Variants in VWC2 observed in about 807,000 individuals in gnomAD.
VWC2 encodes brorin.
VWC2 carries 14 observed loss-of-function variants against 29.8 expected under a neutral mutation model. The ratio of observed to expected loss-of-function variants is 0.47; its 90% CI spans 0.31 to 0.74. The LOEUF (loss-of-function observed/expected upper bound fraction) is 0.74, where lower values mean the gene tolerates loss of function less well. VWC2 is among the 30% of genes least tolerant of loss of function. The probability of loss-of-function intolerance (pLI) is 0.05; values close to 1 mark genes in which losing one functional copy is unlikely to be tolerated. For missense variants in VWC2, 457 were observed against 459.8 expected (o/e 0.99, Z 0.05); for synonymous variants, 213 against 199.0 (o/e 1.07, Z -0.59).
At chr7:49,806,316 AT>A (rs1163351917) in intron 3 of VWC2, among the ~76,000 whole-genome samples, 1 of 152,240 alleles carries the variant, frequency 6.6e-6, no homozygotes, top group African/African-American at 2.4e-5. Flanking sequence ...AAGAAAAATG[AT>A]AAAAGTAGGA....
intron 3 of VWC2, among the ~76,000 whole-genome samples, chr7:49,831,480 G>A (rs1465361217): frequency 6.6e-6 from 1 of 152,182 alleles, no homozygotes; most frequent in African/African-American, 2.4e-5. Context: ...TGCTTATTTT[G>A]TGGAAAAGGA....
At chr7:49,867,936 C>A (rs1329110170) in intron 3 of VWC2, among the ~76,000 whole-genome samples, 3 of 151,862 alleles carry the variant, frequency 2.0e-5, no homozygotes, top group Non-Finnish European at 4.4e-5. Context: ...CAAGTTCAAG[C>A]AATTCTCCTG....
At chr7:49,874,770 TGA>T (rs1332842410) in intron 3 of VWC2, among the ~76,000 whole-genome samples, 1 of 152,306 alleles carries the variant, frequency 6.6e-6, no homozygotes, top group East Asian at 1.9e-4. Flanking sequence ...TGTGAGGTGA[TGA>T]GAGACCAGGA....
rs1345533588 is a variant in VWC2, at chr7:49,918,499, T to C, written c.*6314T>C. ...GCCTCCCTAGTCTAAATGCTTATGC[T>C]ATATTTTGTTTCCTAAATCTAGAGA... On this transcript the variant is annotated 3_prime_UTR_variant, in exon 4 of 4. Transcript: ENST00000340652. The C allele has an allele frequency of 6.6e-6, 1 of 152,230 alleles. No homozygotes were observed. The highest frequency in any genetic ancestry group is 1.5e-5 in the Non-Finnish European group (1 of 68,046). The allele number at this position is 152,230 out of a possible 1,614,324, so 9.4% of individuals were successfully genotyped here. A position where few individuals can be genotyped will look rare whatever the true frequency, so the allele number is the denominator to read the frequency against.
At chr7:49,910,301 G>T (rs1793339936) in intron 3 of VWC2, among the ~76,000 whole-genome samples, 1 of 152,146 alleles carries the variant, frequency 6.6e-6, no homozygotes, top group Admixed American at 6.5e-5. Context: ...TTGTTATTCT[G>T]GAGTTTGCTG....
intron 3 of VWC2, among the ~76,000 whole-genome samples, chr7:49,907,868 A>G (rs1475848272): frequency 6.6e-6 from 1 of 152,110 alleles, no homozygotes; most frequent in Non-Finnish European, 1.5e-5. Flanking sequence ...GGTTGTGGAG[A>G]CCATAGTTTT....
chr7:49,852,429 C>T (rs1195164889), intron 3 of VWC2, among the ~76,000 whole-genome samples: 4 of 152,334 alleles, frequency 2.6e-5, no homozygotes, highest in East Asian at 1.9e-4. Flanking sequence ...TGCTGTTTTG[C>T]ACTTGCTAGA....
intron 3 of VWC2, among the ~76,000 whole-genome samples, chr7:49,867,902 C>T (rs530798606): frequency 4.6e-5 from 7 of 151,336 alleles, no homozygotes; most frequent in East Asian, 3.9e-4. Flanking sequence ...GGTGCAATCT[C>T]GGCTCACTGC....
chr7:49,886,315 G>A (rs1010635871), intron 3 of VWC2, among the ~76,000 whole-genome samples: 3 of 151,356 alleles, frequency 2.0e-5, no homozygotes, highest in East Asian at 1.9e-4. Context: ...ATTTGGAAGC[G>A]CAAAATTCAC....
chr7:49,890,684 C>CAAAT (rs1263499421), intron 3 of VWC2, among the ~76,000 whole-genome samples: 1 of 148,262 alleles, frequency 6.7e-6, no homozygotes. Context: ...CTACTGAGAA[C>CAAAT]AAATCTAAGG....
chr7:49,775,510 T>G lies in VWC2; in HGVS notation c.75T>G (p.Ala25=). The change falls in exon 2 of 4, where the codon GCT becomes GCG. Residue 25 remains alanine (A), a synonymous_variant. Coordinates refer to ENST00000340652, the MANE Select transcript of VWC2 (RefSeq NM_198570.5). ...SLLVTCCLMV[A]LCSPSIPLEK... is the part of the protein sequence containing the mutation. ...TGGTCACCTGCTGCCTGATGGTGGC[T>G]CTGTGCAGTCCGAGCATCCCGCTGG... is the stretch of plus-strand genomic sequence containing the variant. 6.4e-7 allele frequency: 1 copy of G among 1,572,718 alleles called. No homozygotes were observed. Among genetic ancestry groups the G allele is most frequent in the Non-Finnish European group, 8.6e-7 (1 of 1,164,070 alleles).
At chr7:49,812,257 A>T (rs1360265667) in intron 3 of VWC2, among the ~76,000 whole-genome samples, 1 of 152,236 alleles carries the variant, frequency 6.6e-6, no homozygotes, top group Non-Finnish European at 1.5e-5. Context: ...TAAATTCACT[A>T]AAATTCATTA....
chr7:49,840,636 T>G (rs1426822616), intron 3 of VWC2, among the ~76,000 whole-genome samples: 4 of 152,192 alleles, frequency 2.6e-5, no homozygotes, highest in African/African-American at 9.7e-5. Flanking sequence ...TAAGGAGTAT[T>G]GGTTTGATTA....
intron 3 of VWC2, among the ~76,000 whole-genome samples, chr7:49,803,620 T>A (rs56259638): frequency 0.11 from 16,083 of 152,208 alleles, 1,039 homozygotes; most frequent in East Asian, 0.17. Context: ...GCCCAGGGTA[T>A]GCTGTGGGGA....
intron 2 of VWC2, among the ~76,000 whole-genome samples, chr7:49,789,704 T>A (rs1788420297): frequency 6.6e-6 from 1 of 152,216 alleles, no homozygotes; most frequent in African/African-American, 2.4e-5. Context: ...GAAGAGAATA[T>A]CTTTCAAAAT....
intron 3 of VWC2, among the ~76,000 whole-genome samples, chr7:49,854,887 T>TTTTAG (rs1319504420): frequency 6.6e-6 from 1 of 152,208 alleles, no homozygotes; most frequent in Non-Finnish European, 1.5e-5. Flanking sequence ...AGATTAGAAC[T>TTTTAG]ATGAAGCTCA....
chr7:49,804,266 A>G (rs937727083), intron 3 of VWC2, among the ~76,000 whole-genome samples: 1 of 151,974 alleles, frequency 6.6e-6, no homozygotes, highest in Non-Finnish European at 1.5e-5. Flanking sequence ...ATTAACACTA[A>G]TAAAGGGGGA....
chr7:49,885,383 TAC>T (rs1415441947), intron 3 of VWC2, among the ~76,000 whole-genome samples: 3 of 152,070 alleles, frequency 2.0e-5, no homozygotes, highest in Non-Finnish European at 4.4e-5. Flanking sequence ...TATAAATATA[TAC>T]AATTATGTTC....
At chr7:49,812,631 T>C (rs752456006) in intron 3 of VWC2, among the ~76,000 whole-genome samples, 4 of 152,152 alleles carry the variant, frequency 2.6e-5, no homozygotes, top group Admixed American at 1.3e-4. Context: ...GCAGAAGAGG[T>C]TCAGAAAGTT....
Sources: gnomAD v4.1 joint callset for allele counts (sites outside exome capture counted in the v4.1 genomes callset) on GRCh38, gnomAD v4.1.1 for gene constraint, MANE v1.5 for transcripts, NCBI Gene and HGNC (gene_info 2026-07-23, HGNC 2026-07-21) for gene names.